The following BMPR2 variants were observed in gnomAD, a reference collection of about 807,000 sequenced individuals.
The protein encoded by BMPR2 is bone morphogenetic protein receptor type 2, also known as bone morphogenetic protein receptor type-2.
In BMPR2, 29 loss-of-function variants were observed where a neutral mutation model predicts 100.8. The observed-to-expected ratio is 0.29, with a 90% CI of 0.21 to 0.39. BMPR2 has a LOEUF of 0.39. Ranked by LOEUF, BMPR2 falls within the 10% of genes least tolerant of loss-of-function variation. The pLI, the probability that BMPR2 is intolerant of heterozygous loss-of-function variation, is 1.00. For missense variants in BMPR2, 1,011 were observed against 1,274.5 expected (o/e 0.79, Z 3.15); for synonymous variants, 382 against 442.3 (o/e 0.86, Z 1.71).
rs1298234152 is a variant in BMPR2, at chr2:202,561,302, AGTTTTTCACATTATCTTT to A, written c.*1358_*1375del. ...TATTTTCATAATTTTTCCTTTTGCC[AGTTTTTCACATTATCTTT>A]GATATGTGAGCAACATTTATTATTT... On this transcript the variant is annotated 3_prime_UTR_variant, in exon 13 of 13. Transcript: ENST00000374580. 2.0e-5 allele frequency: 3 copies of A among 152,120 alleles called. No homozygotes were observed. The highest frequency in any genetic ancestry group is 2.9e-5 in the Non-Finnish European group (2 of 67,974). 9.4% of individuals were successfully genotyped at this position (152,120 alleles called of 1,614,324 possible). A position where few individuals can be genotyped will look rare whatever the true frequency, so the allele number is the denominator to read the frequency against.
At position 202,452,257 on chromosome 2, in the gene BMPR2, C is replaced by A. The variant is rs185360645; in HGVS notation, c.77-12552C>A. Among the ~76,000 whole-genome samples, 224 of 152,212 alleles carry A rather than the reference C, an allele frequency of 1.5e-3. 1 individual carries two copies. Among genetic ancestry groups the A allele is most frequent in the African/African-American group, 5.0e-3 (208 of 41,538 alleles). On this transcript the variant is annotated intron_variant, in intron 1 of 12. Coordinates refer to ENST00000374580, the MANE Select transcript of BMPR2 (RefSeq NM_001204.7). ...TTCATATGAATGGAATCTATATGCA[C>A]TTGTGTGTGATGTCTTTTGCTCTGA...
chr2:202,502,126 T>C (rs1337699780), intron 3 of BMPR2, among the ~76,000 whole-genome samples: 5 of 152,254 alleles, frequency 3.3e-5, no homozygotes, highest in Non-Finnish European at 7.3e-5. Flanking sequence ...TGTATACAGA[T>C]AGCAAGTATG....
intron 5 of BMPR2, among the ~76,000 whole-genome samples, chr2:202,516,356 G>A (rs1687711524): frequency 6.6e-6 from 1 of 152,130 alleles, no homozygotes; most frequent in South Asian, 2.1e-4. Context: ...TATAAATCAA[G>A]ATGAAAGAAA....
At chr2:202,528,454 T>C (rs1687959243) in intron 7 of BMPR2, among the ~76,000 whole-genome samples, 1 of 152,200 alleles carries the variant, frequency 6.6e-6, no homozygotes, top group Admixed American at 6.5e-5. Context: ...CCCCAAGTGC[T>C]GGGATTACAG....
At chr2:202,455,467 A>G (rs916846510) in intron 1 of BMPR2, among the ~76,000 whole-genome samples, 3 of 152,220 alleles carry the variant, frequency 2.0e-5, no homozygotes, top group Non-Finnish European at 4.4e-5. Flanking sequence ...TTTTCACAGA[A>G]AATTATATTG....
chr2:202,553,278 A>G (rs1489634657), intron 11 of BMPR2, among the ~76,000 whole-genome samples: 2 of 151,904 alleles, frequency 1.3e-5, no homozygotes, highest in African/African-American at 2.4e-5. Flanking sequence ...AAATGGAACT[A>G]TGAACTTGCC....
At chr2:202,417,356 G>A (rs999033108) in intron 1 of BMPR2, among the ~76,000 whole-genome samples, 1 of 152,054 alleles carries the variant, frequency 6.6e-6, no homozygotes, top group African/African-American at 2.4e-5. Context: ...TGGATGGAGT[G>A]CAATGGCACG....
chr2:202,389,604 T>C (rs1690506052), intron 1 of BMPR2, among the ~76,000 whole-genome samples: 1 of 151,960 alleles, frequency 6.6e-6, no homozygotes, highest in African/African-American at 2.4e-5. Flanking sequence ...TTATTTAAGA[T>C]TCTAAAATTA....
At chr2:202,470,293 G>T (rs1245158762) in intron 3 of BMPR2, among the ~76,000 whole-genome samples, 13 of 152,054 alleles carry the variant, frequency 8.5e-5, no homozygotes. Context: ...AGTGAGCCGA[G>T]ATCATGCCAT....
chr2:202,453,165 C>G (rs985083573), intron 1 of BMPR2, among the ~76,000 whole-genome samples: 4 of 150,534 alleles, frequency 2.7e-5, no homozygotes, highest in African/African-American at 9.8e-5. Context: ...GTGACGTGAT[C>G]AAATTGTGGA....
intron 1 of BMPR2, among the ~76,000 whole-genome samples, chr2:202,436,463 A>T (rs180682026): frequency 6.7e-6 from 1 of 150,358 alleles, no homozygotes; most frequent in Non-Finnish European, 1.5e-5. Flanking sequence ...AAAAACAACA[A>T]CAGCAGCAAC....
intron 1 of BMPR2, among the ~76,000 whole-genome samples, chr2:202,402,600 AT>A (rs891292287): frequency 3.5e-4 from 51 of 147,790 alleles, no homozygotes; most frequent in African/African-American, 7.7e-4. Flanking sequence ...TAGCCTTTCC[AT>A]TTTTTTTTTC....
intron 1 of BMPR2, among the ~76,000 whole-genome samples, chr2:202,386,866 G>GTATTTT (rs1393738040): frequency 6.6e-6 from 1 of 151,980 alleles, no homozygotes; most frequent in Non-Finnish European, 1.5e-5. Flanking sequence ...TGTATTTTTA[G>GTATTTT]TAGAGACGGG....
At chr2:202,470,029 T>A (rs1218873300) in intron 3 of BMPR2, among the ~76,000 whole-genome samples, 1 of 152,118 alleles carries the variant, frequency 6.6e-6, no homozygotes, top group African/African-American at 2.4e-5. Context: ...GAAACCATCG[T>A]AGATGCATTA....
intron 6 of BMPR2, among the ~76,000 whole-genome samples, 183 bp downstream of exon 6, chr2:202,519,235 C>G (rs1354240305): frequency 6.6e-6 from 1 of 152,178 alleles, no homozygotes; most frequent in Non-Finnish European, 1.5e-5. Flanking sequence ...TGATGGCACA[C>G]ATCTGTAATT....
intron 1 of BMPR2, among the ~76,000 whole-genome samples, chr2:202,452,529 G>A (rs1692010591): frequency 6.6e-6 from 1 of 152,108 alleles, no homozygotes; most frequent in African/African-American, 2.4e-5. Flanking sequence ...TGTGCCTATA[G>A]TCCCAACTAT....
intron 1 of BMPR2, among the ~76,000 whole-genome samples, chr2:202,422,973 C>G (rs766887034): frequency 6.6e-6 from 1 of 152,110 alleles, no homozygotes; most frequent in East Asian, 1.9e-4. Context: ...CCACTGCACC[C>G]GGCCTGTATA....
At chr2:202,534,248 A>T (rs1480964576) in intron 9 of BMPR2, among the ~76,000 whole-genome samples, 2 of 133,112 alleles carry the variant, frequency 1.5e-5, no homozygotes, top group Admixed American at 7.1e-5. Context: ...TAAAATTTTT[A>T]TTTATTTATT....
At chr2:202,413,363 A>G (rs1329668450) in intron 1 of BMPR2, among the ~76,000 whole-genome samples, 1 of 152,228 alleles carries the variant, frequency 6.6e-6, no homozygotes, top group Admixed American at 6.5e-5. Context: ...ACAGGCATGA[A>G]TTATAGTGCT....
Sources: gnomAD v4.1 joint callset for allele counts (sites outside exome capture counted in the v4.1 genomes callset) on GRCh38, gnomAD v4.1.1 for gene constraint, MANE v1.5 for transcripts, NCBI Gene and HGNC (gene_info 2026-07-23, HGNC 2026-07-21) for gene names.